Variants in CFAP70 observed in about 807,000 individuals in gnomAD.
The protein encoded by CFAP70 is cilia- and flagella-associated protein 70.
A neutral mutation model predicts 137.6 loss-of-function variants in CFAP70; 81 were observed. The ratio of observed to expected loss-of-function variants is 0.59; its 90% CI spans 0.49 to 0.71. The LOEUF is 0.71. CFAP70 is among the 30% of genes least tolerant of loss of function. The pLI, the probability that CFAP70 is intolerant of heterozygous loss-of-function variation, is 0.00. For synonymous variants in CFAP70, 382 were observed against 423.6 expected (o/e 0.90, Z 1.20); for missense variants, 976 against 1,226.7 (o/e 0.80, Z 3.05).
intron 19 of CFAP70, among the ~76,000 whole-genome samples, chr10:73,284,738 A>C (rs1285833387): frequency 5.5e-5 from 2 of 36,074 alleles, no homozygotes; most frequent in Admixed American, 3.9e-4. Flanking sequence ...ATGACCTGCC[A>C]CATATATATA....
chr10:73,307,566 T>C (rs1286203865), intron 12 of CFAP70, among the ~76,000 whole-genome samples: 4 of 152,146 alleles, frequency 2.6e-5, no homozygotes, highest in Non-Finnish European at 5.9e-5. Flanking sequence ...GATGGCTATA[T>C]TACTGTCAGA....
chr10:73,352,581 C>T (rs555715017), intron 3 of CFAP70, among the ~76,000 whole-genome samples: 1 of 152,290 alleles, frequency 6.6e-6, no homozygotes, highest in South Asian at 2.1e-4. Flanking sequence ...GAACTCACCA[C>T]TGTGTCATTC....
chr10:73,291,832 A>C lies in CFAP70; in HGVS notation c.1904+49T>G, dbSNP rs774152705. The C allele has an allele frequency of 1.3e-5, 21 of 1,613,634 alleles. No individual in the cohort carries two copies. In the South Asian group the frequency reaches 2.3e-4, roughly 18 times the overall value. ...TGGAACCAAGACAATTTCACGTAGA[A>C]ACTTATCTGTTCCTTCCCACTGATT... On this transcript the variant is annotated intron_variant, in intron 17 of 26. Coordinates refer to ENST00000310715, the Ensembl canonical transcript of CFAP70.
intron 6 of CFAP70, among the ~76,000 whole-genome samples, chr10:73,340,464 G>A (rs2132406286): frequency 6.6e-6 from 1 of 152,360 alleles, no homozygotes; most frequent in African/African-American, 2.4e-5. Flanking sequence ...TCCAGTCCAT[G>A]GAACTAGCAG....
chr10:73,311,968 T>G (rs1323646077), intron 10 of CFAP70, 54 bp from the exon 12 acceptor site: 3 of 1,335,654 alleles, frequency 2.2e-6, no homozygotes, highest in African/African-American at 1.5e-5. Context: ...GTCTTCATAG[T>G]GACAAGAACA....
intron 8 of CFAP70, among the ~76,000 whole-genome samples, chr10:73,323,491 C>T (rs916296532): frequency 1.1e-4 from 16 of 152,268 alleles, no homozygotes; most frequent in Admixed American, 4.6e-4. Flanking sequence ...GTGGGTGCAG[C>T]GCACCGTGTG....
intron 25 of CFAP70, among the ~76,000 whole-genome samples, chr10:73,266,819 T>C: frequency 6.6e-6 from 1 of 152,208 alleles, no homozygotes; most frequent in African/African-American, 2.4e-5. Context: ...TGTTCACTAG[T>C]CTCTGCAAAA....
At chr10:73,298,819 C>T in intron 14 of CFAP70, 88 bp downstream of exon 15, 3 of 1,232,666 alleles carry the variant, frequency 2.4e-6, no homozygotes, top group Non-Finnish European at 3.5e-6. Flanking sequence ...TATAGCTGAA[C>T]ATAATCAGAG....
chr10:73,340,462 A>G (rs2132406256), intron 6 of CFAP70, among the ~76,000 whole-genome samples: 1 of 152,314 alleles, frequency 6.6e-6, no homozygotes, highest in Non-Finnish European at 1.5e-5. Flanking sequence ...ACTCCAGTCC[A>G]TGGAACTAGC....
At chr10:73,298,279 T>C (rs2048690324) in intron 14 of CFAP70, among the ~76,000 whole-genome samples, 1 of 152,228 alleles carries the variant, frequency 6.6e-6, no homozygotes, top group African/African-American at 2.4e-5. Flanking sequence ...GAAGCATTGA[T>C]AAATTGGCCT....
exon 8 of CFAP70, chr10:73,331,177 C>T (rs1252854984): frequency 1.9e-6 from 3 of 1,606,570 alleles, no homozygotes; most frequent in African/African-American, 1.3e-5. Flanking sequence ...GCATATTTAC[C>T]TTTTCAGTTT....
intron 6 of CFAP70, among the ~76,000 whole-genome samples, chr10:73,340,115 G>A (rs1359534912): frequency 2.6e-5 from 4 of 152,230 alleles, no homozygotes; most frequent in African/African-American, 9.6e-5. Flanking sequence ...TCTGCAGGCA[G>A]GTTGTCCTGA....
chr10:73,361,059 C>T (rs898855372), upstream of CFAP70, among the ~76,000 whole-genome samples: 9 of 150,976 alleles, frequency 6.0e-5, no homozygotes, highest in East Asian at 1.9e-4. Flanking sequence ...AGTGCCGTGG[C>T]GCAATCTGGG....
chr10:73,338,458 T>G (rs368383439), intron 6 of CFAP70, among the ~76,000 whole-genome samples: 4 of 139,806 alleles, frequency 2.9e-5, no homozygotes, highest in African/African-American at 1.1e-4. Flanking sequence ...TTTTAGACAG[T>G]CTCACTCTGT....
upstream of CFAP70, among the ~76,000 whole-genome samples, chr10:73,361,853 G>T (rs894742652): frequency 6.1e-5 from 9 of 147,886 alleles, no homozygotes; most frequent in African/African-American, 9.9e-5. Flanking sequence ...AACCCCAACT[G>T]TTTTTTTTTT....
intron 8 of CFAP70, among the ~76,000 whole-genome samples, chr10:73,328,595 CA>C (rs2051725509): frequency 7.0e-6 from 1 of 143,390 alleles, no homozygotes; most frequent in African/African-American, 2.7e-5. Context: ...ACTCATCTGA[CA>C]AAGGGCTAAT....
rs138419733 is a variant in CFAP70, at chr10:73,313,617, C to T, written c.913-974G>A. Among the ~76,000 whole-genome samples the T allele has an allele frequency of 1.0e-3, 153 of 150,958 alleles. 1 individual carries two copies. Among genetic ancestry groups the T allele is most frequent in the African/African-American group, 3.4e-3 (139 of 41,100 alleles). ...CAGCACTTTAGGGGGCCGAGGCAGGCGGATCATTTGAGACCAGAAGTTTAA... is the reference window on the plus strand; with the variant it reads ...CAGCACTTTAGGGGGCCGAGGCAGGTGGATCATTTGAGACCAGAAGTTTAA... On this transcript the variant is annotated intron_variant, in intron 9 of 26. Coordinates refer to ENST00000310715, the Ensembl canonical transcript of CFAP70.
At chr10:73,293,206 T>C (rs2048301732) in intron 16 of CFAP70, 57 bp downstream of exon 17, 3 of 1,530,070 alleles carry the variant, frequency 2.0e-6, no homozygotes, top group Non-Finnish European at 2.6e-6. Context: ...CAAAAATTAC[T>C]ATTATGCCCA....
intron 8 of CFAP70, among the ~76,000 whole-genome samples, chr10:73,326,447 A>G: frequency 1.4e-5 from 2 of 145,974 alleles, no homozygotes; most frequent in African/African-American, 5.2e-5. Flanking sequence ...AAGAGCAAAC[A>G]CATTCAAAAG....
Sources: allele counts gnomAD v4.1 joint callset (sites outside exome capture counted in the v4.1 genomes callset), GRCh38; gene constraint gnomAD v4.1.1; transcripts MANE v1.5; gene names NCBI Gene and HGNC (gene_info 2026-07-23, HGNC 2026-07-21).